TAMM41: variants seen among roughly 807,000 people sequenced by gnomAD.
TAMM41 encodes phosphatidate cytidylyltransferase, mitochondrial.
TAMM41 carries 36 observed loss-of-function variants against 44.1 expected under a neutral mutation model. That is an observed-to-expected ratio of 0.82 (90% CI 0.63 to 1.08). The LOEUF is 1.08. Ranked by LOEUF, TAMM41 falls within the 50% of genes least tolerant of loss-of-function variation. The pLI is 0.00. For missense variants in TAMM41, 417 were observed against 404.3 expected (o/e 1.03, Z -0.27); for synonymous variants, 164 against 153.1 (o/e 1.07, Z -0.53).
intron 6 of TAMM41, chr3:11,809,061 G>T (rs2078007346): frequency 4.4e-6 from 1 of 225,566 alleles, no homozygotes; most frequent in Non-Finnish European, 8.5e-6. Context: ...CAGTGCTGGG[G>T]AAAATGCTGT....
At chr3:11,742,811 G>T in the TAMM41 span, among the ~76,000 whole-genome samples, 1 of 151,752 alleles carries the variant, frequency 6.6e-6, no homozygotes, top group South Asian at 2.1e-4. Flanking sequence ...GTCCAGGCTG[G>T]TCTCGAACTC....
intron 3 of TAMM41, among the ~76,000 whole-genome samples, chr3:11,833,787 G>A (rs2079073242): frequency 6.6e-6 from 1 of 152,054 alleles, no homozygotes; most frequent in African/African-American, 2.4e-5. Flanking sequence ...CCCAGTTTAG[G>A]GATCTTTTAT....
the TAMM41 span, among the ~76,000 whole-genome samples, chr3:11,770,002 CA>C: frequency 6.6e-6 from 1 of 152,206 alleles, no homozygotes. Flanking sequence ...GCCTAGAAAA[CA>C]AGGTAGAAAG....
At chr3:11,763,289 C>T in the TAMM41 span, among the ~76,000 whole-genome samples, 1 of 152,136 alleles carries the variant, frequency 6.6e-6, no homozygotes, top group Non-Finnish European at 1.5e-5. Flanking sequence ...CAGGCATGTG[C>T]CACCATGCCC....
At chr3:11,776,807 C>A in the TAMM41 span, among the ~76,000 whole-genome samples, 1 of 152,172 alleles carries the variant, frequency 6.6e-6, no homozygotes, top group Non-Finnish European at 1.5e-5. Context: ...AGCCTGCAAA[C>A]ATTATTTCAC....
rs199975827 is a variant in TAMM41 at position 11,801,829 on chromosome 3, AT to A, written c.937+6003del. On this transcript the variant is annotated intron_variant, in intron 7 of 7. Transcript: ENST00000455809. The stretch of plus-strand genomic sequence containing the variant: ...AACGAAAACTATAACAAGAAAAAAA[AT>A]AACTAAACTCAAAGTTAGCAGAAGA... 3.1e-3 allele frequency among the ~76,000 whole-genome samples: 478 copies of A among 152,306 alleles called. 7 individuals are homozygous for A. Among genetic ancestry groups the A allele is most frequent in the African/African-American group, 0.011 (469 of 41,548 alleles).
intron 6 of TAMM41, chr3:11,809,308 T>A: frequency 1.7e-6 from 1 of 578,854 alleles, no homozygotes; most frequent in East Asian, 3.1e-5. Flanking sequence ...GATCCAGGAA[T>A]TTAAAAACAG....
chr3:11,800,916 C>G (rs966667767), intron 7 of TAMM41, among the ~76,000 whole-genome samples: 1 of 151,966 alleles, frequency 6.6e-6, no homozygotes, highest in Admixed American at 6.6e-5. Context: ...GACTTTGTCT[C>G]TACAAAAAAT....
At position 11,791,797 on chromosome 3, in the gene TAMM41, C is replaced by T. The variant is rs58117058; in HGVS notation, c.938-1216G>A. 7.0e-3 allele frequency among the ~76,000 whole-genome samples: 1,065 copies of T among 152,240 alleles called. 7 individuals are homozygous for T. The highest frequency in any genetic ancestry group is 0.019 in the African/African-American group (769 of 41,526). On this transcript the variant is annotated intron_variant, in intron 7 of 7. Transcript: ENST00000455809. ...TGAATACTTCCAGACACTCTGGCTT[C>T]GTTTGTCTACCAGCTGACTACTTGC...
At chr3:11,785,693 C>A (rs1440775241), downstream of TAMM41, among the ~76,000 whole-genome samples, 1 of 152,016 alleles carries the variant, frequency 6.6e-6, no homozygotes, top group African/African-American at 2.4e-5. Context: ...CCGCTCACTG[C>A]AGCCTTGACC....
intron 2 of TAMM41, chr3:11,843,719 A>G (rs1462947032): frequency 1.2e-5 from 3 of 241,232 alleles, no homozygotes; most frequent in Non-Finnish European, 2.4e-5. Context: ...TCCGTCTCAA[A>G]AAAATAAAAA....
chr3:11,767,430 A>G, the TAMM41 span, among the ~76,000 whole-genome samples: 1 of 151,988 alleles, frequency 6.6e-6, no homozygotes, highest in East Asian at 1.9e-4. Context: ...GTTGCTATGG[A>G]TATTGCTGCA....
At chr3:11,765,030 G>A in the TAMM41 span, among the ~76,000 whole-genome samples, 2 of 152,094 alleles carry the variant, frequency 1.3e-5, no homozygotes, top group Non-Finnish European at 2.9e-5. Flanking sequence ...ACCTTAGTTG[G>A]CCTCACCTTT....
chr3:11,740,925 A>G, the TAMM41 span, among the ~76,000 whole-genome samples: 2 of 145,904 alleles, frequency 1.4e-5, no homozygotes, highest in African/African-American at 5.3e-5. Flanking sequence ...CTGAAGTCAA[A>G]TATCAGGGCT....
chr3:11,769,042 G>A, the TAMM41 span, among the ~76,000 whole-genome samples: 1 of 152,216 alleles, frequency 6.6e-6, no homozygotes, highest in Non-Finnish European at 1.5e-5. Flanking sequence ...CAGAGACAGA[G>A]GGTGGAGGGG....
chr3:11,776,164 C>T, the TAMM41 span, among the ~76,000 whole-genome samples: 2 of 151,650 alleles, frequency 1.3e-5, no homozygotes, highest in Non-Finnish European at 2.9e-5. Context: ...CAGGCGCCCG[C>T]CACCACGCCC....
the TAMM41 span, among the ~76,000 whole-genome samples, chr3:11,749,484 A>G: frequency 6.6e-6 from 1 of 152,248 alleles, no homozygotes; most frequent in South Asian, 2.1e-4. Context: ...GCCAACCTAC[A>G]TGAGTAAGAC....
At chr3:11,762,399 A>G in the TAMM41 span, among the ~76,000 whole-genome samples, 2 of 152,060 alleles carry the variant, frequency 1.3e-5, no homozygotes, top group African/African-American at 4.8e-5. Context: ...CAAGTGGCAG[A>G]GCCAGGATTT....
the TAMM41 span, among the ~76,000 whole-genome samples, chr3:11,727,428 A>G: frequency 2.6e-5 from 4 of 152,216 alleles, no homozygotes; most frequent in African/African-American, 9.6e-5. Flanking sequence ...TCATATTCAC[A>G]GTGCACTGAG....
Sources: gnomAD v4.1 joint callset for allele counts (sites outside exome capture counted in the v4.1 genomes callset) on GRCh38, gnomAD v4.1.1 for gene constraint, MANE v1.5 for transcripts, NCBI Gene and HGNC (gene_info 2026-07-23, HGNC 2026-07-21) for gene names.